The following STPG2 variants were observed in gnomAD, a reference collection of about 807,000 sequenced individuals.
STPG2 encodes the protein sperm-tail PG-rich repeat-containing protein 2.
Under a neutral mutation model 54.2 loss-of-function variants are expected in STPG2, and 56 were observed. The ratio of observed to expected loss-of-function variants is 1.03; its 90% CI spans 0.83 to 1.29. STPG2 has a LOEUF of 1.29. Among genes scored for constraint, STPG2 ranks in the 50% most tolerant of loss-of-function variants. The pLI, the probability that STPG2 is intolerant of heterozygous loss-of-function variation, is 0.00. For synonymous variants in STPG2, 200 were observed against 181.8 expected, an observed-to-expected ratio of 1.10 and a Z score of -0.81; for missense variants, 596 against 544.9, an observed-to-expected ratio of 1.09 and a Z score of -0.93.
intron 9 of STPG2, among the ~76,000 whole-genome samples, chr4:97,733,197 A>G (rs926907525): frequency 2.0e-5 from 3 of 152,222 alleles, no homozygotes; most frequent in African/African-American, 7.2e-5. Context: ...TTAAATGCGC[A>G]TCAACTAATG....
intron 5 of STPG2, among the ~76,000 whole-genome samples, chr4:98,047,554 C>G (rs1211557351): frequency 1.3e-5 from 2 of 152,246 alleles, no homozygotes; most frequent in East Asian, 3.9e-4. Context: ...AAATCCACAT[C>G]TTTATTCTCT....
At chr4:98,108,735 T>C (rs1396418245) in intron 4 of STPG2, among the ~76,000 whole-genome samples, 3 of 152,178 alleles carry the variant, frequency 2.0e-5, no homozygotes, top group African/African-American at 7.2e-5. Context: ...AACATGTTAT[T>C]TATCCCCTCT....
intron 6 of STPG2, among the ~76,000 whole-genome samples, chr4:97,972,825 C>A (rs1734380292): frequency 6.6e-6 from 1 of 152,198 alleles, no homozygotes; most frequent in Non-Finnish European, 1.5e-5. Context: ...TTTCCCTGTA[C>A]AACCTCTCTT....
intron 5 of STPG2, among the ~76,000 whole-genome samples, chr4:98,015,965 C>T (rs1735931857): frequency 6.6e-6 from 1 of 152,096 alleles, no homozygotes; most frequent in Admixed American, 6.5e-5. Flanking sequence ...GGACAGAAAA[C>T]CAAACATCGC....
rs112076283 is a variant in STPG2 at position 98,033,331 on chromosome 4, C to A, written c.613-52013G>T. ...TCAGATAATACTATAAACAACTCTA[C>A]GCAAATAAACTAGAAAATCTAGAAG... On this transcript the variant is annotated intron_variant, in intron 5 of 10. Transcript: ENST00000295268. Among the ~76,000 whole-genome samples, 6 of 152,106 alleles carry A rather than the reference C, an allele frequency of 3.9e-5. No individual in the cohort carries two copies. The South Asian group carries it at 1.2e-3, about 32-fold the overall frequency.
intron 10 of STPG2, among the ~76,000 whole-genome samples, chr4:97,644,612 G>A (rs1426925949): frequency 2.0e-5 from 3 of 152,050 alleles, no homozygotes; most frequent in East Asian, 3.9e-4. Flanking sequence ...CCACTCATGG[G>A]AACTACTAGG....
intron 8 of STPG2, among the ~76,000 whole-genome samples, chr4:97,880,846 A>T (rs1399612623): frequency 6.6e-6 from 1 of 152,100 alleles, no homozygotes; most frequent in Non-Finnish European, 1.5e-5. Flanking sequence ...ATCCACCAAG[A>T]CTTCCAATAC....
At chr4:97,662,375 TA>T (rs1303401643) in intron 10 of STPG2, among the ~76,000 whole-genome samples, 1 of 151,896 alleles carries the variant, frequency 6.6e-6, no homozygotes, top group African/African-American at 2.4e-5. Flanking sequence ...AAGTCAAACA[TA>T]AAAAATGCTG....
chr4:98,014,156 T>A (rs981758973), intron 5 of STPG2, among the ~76,000 whole-genome samples: 1 of 152,158 alleles, frequency 6.6e-6, no homozygotes, highest in African/African-American at 2.4e-5. Flanking sequence ...TCCCAGAGAT[T>A]CTGGTACATT....
intron 10 of STPG2, among the ~76,000 whole-genome samples, chr4:97,664,094 TTAGA>T (rs916458966): frequency 6.6e-6 from 1 of 152,208 alleles, no homozygotes; most frequent in African/African-American, 2.4e-5. Flanking sequence ...TTTATGATTC[TTAGA>T]TATGTATAAC....
intron 5 of STPG2, among the ~76,000 whole-genome samples, chr4:98,087,560 CTTTTTTTT>C (rs70955916): frequency 7.6e-6 from 1 of 132,284 alleles, no homozygotes; most frequent in Non-Finnish European, 1.6e-5. Context: ...CTCTTTTTTT[CTTTTTTTT>C]TTTTTTTTTT....
chr4:97,935,748 T>C (rs573686972), intron 8 of STPG2, among the ~76,000 whole-genome samples: 51 of 152,306 alleles, frequency 3.3e-4, no homozygotes, highest in African/African-American at 1.2e-3. Context: ...AGAGACTGTT[T>C]AGTATGATTT....
chr4:97,889,462 A>T (rs984988824), intron 8 of STPG2, among the ~76,000 whole-genome samples: 39 of 152,214 alleles, frequency 2.6e-4, no homozygotes, highest in Non-Finnish European at 4.4e-4. Context: ...TGCGGTATAT[A>T]TACATAATGG....
At chr4:97,763,274 T>C (rs1725942848) in intron 9 of STPG2, among the ~76,000 whole-genome samples, 1 of 152,142 alleles carries the variant, frequency 6.6e-6, no homozygotes, top group Non-Finnish European at 1.5e-5. Context: ...TTGTGTAGCA[T>C]AAAGGTGGTA....
intron 8 of STPG2, among the ~76,000 whole-genome samples, chr4:97,879,193 C>T (rs919574957): frequency 6.6e-6 from 1 of 152,202 alleles, no homozygotes; most frequent in African/African-American, 2.4e-5. Context: ...AAGTTCCAAA[C>T]TTTCCCAAAT....
At chr4:98,006,881 C>T (rs1735593641) in intron 5 of STPG2, among the ~76,000 whole-genome samples, 1 of 152,176 alleles carries the variant, frequency 6.6e-6, no homozygotes, top group Admixed American at 6.5e-5. Flanking sequence ...ATGGACCATG[C>T]ATTTGGGCCA....
At chr4:97,945,970 G>T (rs1733200441) in intron 7 of STPG2, among the ~76,000 whole-genome samples, 1 of 151,956 alleles carries the variant, frequency 6.6e-6, no homozygotes, top group Non-Finnish European at 1.5e-5. Flanking sequence ...GAGGTAAGAG[G>T]ATCCCTGGAG....
intron 10 of STPG2, among the ~76,000 whole-genome samples, chr4:97,584,198 T>C (rs28766878): frequency 0.45 from 68,431 of 151,660 alleles, 16,074 homozygotes; most frequent in South Asian, 0.63. Context: ...GAACGCAGTG[T>C]AATAAAACTG....
chr4:97,635,874 T>A (rs1721500928), intron 10 of STPG2, among the ~76,000 whole-genome samples: 2 of 151,892 alleles, frequency 1.3e-5, no homozygotes, highest in Non-Finnish European at 1.5e-5. Flanking sequence ...AGACTTAGAC[T>A]CCCACACATT....
Sources: allele counts gnomAD v4.1 joint callset (sites outside exome capture counted in the v4.1 genomes callset), GRCh38; gene constraint gnomAD v4.1.1; transcripts MANE v1.5; gene names NCBI Gene and HGNC (gene_info 2026-07-23, HGNC 2026-07-21).